The following PRKN variants were observed in gnomAD, a reference collection of about 807,000 sequenced individuals.
PRKN encodes the protein E3 ubiquitin-protein ligase parkin.
A neutral mutation model predicts 59.5 loss-of-function variants in PRKN; 56 were observed. That is an observed-to-expected ratio of 0.94 (90% confidence interval 0.76 to 1.18). PRKN has a LOEUF of 1.18. Among genes scored for constraint, PRKN ranks in the 50% most tolerant of loss-of-function variants. The pLI is 0.00. For synonymous variants in PRKN, 250 were observed against 222.1 expected (o/e 1.13, Z -1.12); for missense variants, 657 against 596.4 (o/e 1.10, Z -1.06).
At chr6:162,066,123 C>G (rs973633946) in intron 4 of PRKN, among the ~76,000 whole-genome samples, 1 of 152,118 alleles carries the variant, frequency 6.6e-6, no homozygotes, top group Non-Finnish European at 1.5e-5. Flanking sequence ...GTTTCTAGTT[C>G]TAGATCCTTG....
At chr6:161,811,941 A>C (rs1472748218) in intron 6 of PRKN, among the ~76,000 whole-genome samples, 3 of 151,858 alleles carry the variant, frequency 2.0e-5, no homozygotes, top group African/African-American at 4.8e-5. Context: ...TAAATAAATA[A>C]ATAAAAATTA....
At chr6:162,372,633 T>A (rs1391702383) in intron 2 of PRKN, among the ~76,000 whole-genome samples, 2 of 152,116 alleles carry the variant, frequency 1.3e-5, no homozygotes. Context: ...CGTTGCAGAA[T>A]GATTTGAACC....
intron 1 of PRKN, among the ~76,000 whole-genome samples, chr6:162,605,520 A>T (rs1312936513): frequency 6.6e-6 from 1 of 152,108 alleles, no homozygotes; most frequent in African/African-American, 2.4e-5. Flanking sequence ...AGTAATTCAA[A>T]ACACCCTAAG....
chr6:161,678,821 C>T (rs1785190385), intron 7 of PRKN, among the ~76,000 whole-genome samples: 1 of 152,122 alleles, frequency 6.6e-6, no homozygotes, highest in African/African-American at 2.4e-5. Flanking sequence ...CGCACCTTGG[C>T]CTCCCAAAGT....
chr6:161,820,092 T>C (rs1791957955), intron 6 of PRKN, among the ~76,000 whole-genome samples: 1 of 152,146 alleles, frequency 6.6e-6, no homozygotes, highest in Non-Finnish European at 1.5e-5. Context: ...CAGTAAATGC[T>C]TGAAACTGTT....
At chr6:161,886,580 C>T (rs1187187229) in intron 6 of PRKN, among the ~76,000 whole-genome samples, 1 of 152,060 alleles carries the variant, frequency 6.6e-6, no homozygotes, top group Non-Finnish European at 1.5e-5. Context: ...CCTATAATCC[C>T]AGCTACTCAG....
At chr6:161,804,816 T>G (rs896096129) in intron 6 of PRKN, among the ~76,000 whole-genome samples, 1 of 152,244 alleles carries the variant, frequency 6.6e-6, no homozygotes, top group Non-Finnish European at 1.5e-5. Context: ...CCCAATCTAT[T>G]GCTGTCTATG....
At chr6:161,689,355 A>G (rs1007987918) in intron 7 of PRKN, among the ~76,000 whole-genome samples, 11 of 152,124 alleles carry the variant, frequency 7.2e-5, no homozygotes, top group African/African-American at 2.7e-4. Flanking sequence ...TAACACTTTT[A>G]TTTTCTAATG....
At chr6:162,015,248 G>C (rs2062981820) in intron 5 of PRKN, among the ~76,000 whole-genome samples, 1 of 152,102 alleles carries the variant, frequency 6.6e-6, no homozygotes, top group African/African-American at 2.4e-5. Context: ...ACTCACACAA[G>C]TACACCGCTG....
intron 8 of PRKN, among the ~76,000 whole-genome samples, chr6:161,559,139 T>C (rs1387304179): frequency 2.0e-5 from 3 of 151,564 alleles, no homozygotes; most frequent in Non-Finnish European, 2.9e-5. Context: ...TTTTTTTTTT[T>C]CCAGATATTT....
At chr6:162,250,120 T>C (rs1186659277) in intron 3 of PRKN, among the ~76,000 whole-genome samples, 1 of 150,270 alleles carries the variant, frequency 6.7e-6, no homozygotes, top group Non-Finnish European at 1.5e-5. Context: ...GACTCCAGCC[T>C]GGGTTACAAC....
Position 161,362,235 on chromosome 6 carries a change from A to G in PRKN, c.1168-2030T>C, listed in dbSNP as rs1041239099. 3.3e-5 allele frequency among the ~76,000 whole-genome samples: 5 copies of G among 152,362 alleles called. No individual in the cohort carries two copies. Among genetic ancestry groups the G allele is most frequent in the South Asian group, 2.1e-4 (1 of 4,828 alleles). ...AAAAATGCTGGATCAAATATGGAAAAAAATCTTTTTTAAACGTACGGCTGA... is the reference window on the plus strand; with the variant it reads ...AAAAATGCTGGATCAAATATGGAAAGAAATCTTTTTTAAACGTACGGCTGA... On this transcript the variant is annotated intron_variant, in intron 10 of 11. Coordinates refer to ENST00000366898, the MANE Select transcript of PRKN (RefSeq NM_004562.3). The surrounding 1 kb of genome is among the most constrained non-coding windows in gnomAD (Gnocchi z 5.2).
At chr6:162,158,239 G>A (rs1211359936) in intron 4 of PRKN, among the ~76,000 whole-genome samples, 1 of 151,962 alleles carries the variant, frequency 6.6e-6, no homozygotes, top group Non-Finnish European at 1.5e-5. Context: ...TCAGTTTTCT[G>A]TCTCAACGGT....
intron 6 of PRKN, among the ~76,000 whole-genome samples, chr6:161,910,886 G>C (rs1228875717): frequency 6.6e-6 from 1 of 152,178 alleles, no homozygotes; most frequent in Non-Finnish European, 1.5e-5. Context: ...ATGATTGTTA[G>C]CATGTTTTAG....
chr6:162,126,966 T>C (rs1013658081), intron 4 of PRKN, among the ~76,000 whole-genome samples: 3 of 152,356 alleles, frequency 2.0e-5, no homozygotes, highest in Non-Finnish European at 1.5e-5. Flanking sequence ...CAGTACATAC[T>C]GTGACATAAC....
At chr6:161,898,341 C>G (rs976642197) in intron 6 of PRKN, among the ~76,000 whole-genome samples, 1 of 152,132 alleles carries the variant, frequency 6.6e-6, no homozygotes, top group Admixed American at 6.6e-5. Context: ...GCTACAGGTT[C>G]TAGGGAATCA....
chr6:162,240,332 C>T (rs1778933104), intron 3 of PRKN, among the ~76,000 whole-genome samples: 1 of 152,132 alleles, frequency 6.6e-6, no homozygotes, highest in South Asian at 2.1e-4. Context: ...ACAGAACAGA[C>T]CTTCCAACAT....
chr6:162,255,190 C>G (rs1779594907), intron 3 of PRKN, among the ~76,000 whole-genome samples: 1 of 152,124 alleles, frequency 6.6e-6, no homozygotes, highest in Admixed American at 6.5e-5. Context: ...GGGGACCTAG[C>G]ACCTGTTCTG....
intron 1 of PRKN, among the ~76,000 whole-genome samples, chr6:162,614,994 CAGGT>C (rs983580438): frequency 1.3e-5 from 2 of 152,156 alleles, no homozygotes; most frequent in African/African-American, 4.8e-5. Context: ...CACCAATTAA[CAGGT>C]GATTGGATAT....
Sources: gnomAD v4.1 joint callset for allele counts (sites outside exome capture counted in the v4.1 genomes callset) on GRCh38, gnomAD v4.1.1 for gene constraint, Gnocchi (gnomAD v3.1) non-coding constraint, MANE v1.5 for transcripts, NCBI Gene and HGNC (gene_info 2026-07-23, HGNC 2026-07-21) for gene names.